Variants in LINGO2 observed in about 807,000 individuals in gnomAD.
The protein encoded by LINGO2 is leucine-rich repeat and immunoglobulin-like domain-containing nogo receptor-interacting protein 2.
In LINGO2, 14 loss-of-function variants were observed where a neutral mutation model predicts 30.6. The ratio of observed to expected loss-of-function variants is 0.46; its 90% CI spans 0.30 to 0.72. The LOEUF (loss-of-function observed/expected upper bound fraction) is 0.72, where lower values mean the gene tolerates loss of function less well. LINGO2 is among the 30% of genes least tolerant of loss of function. The pLI is 0.07. For missense variants in LINGO2, 729 were observed against 751.7 expected (o/e 0.97, Z 0.35); for synonymous variants, 317 against 288.5 (o/e 1.10, Z -1.00).
At chr9:28,264,491 A>G (rs1418447961) in intron 4 of LINGO2, among the ~76,000 whole-genome samples, 2 of 152,048 alleles carry the variant, frequency 1.3e-5, no homozygotes, top group Non-Finnish European at 2.9e-5. Context: ...ACAATATTTC[A>G]TTCAAGGCTT....
chr9:29,017,319 C>A, the LINGO2 span, among the ~76,000 whole-genome samples: 1 of 152,004 alleles, frequency 6.6e-6, no homozygotes, highest in African/African-American at 2.4e-5. Context: ...ATATGTAAGG[C>A]CTTCAAACCA....
intron 4 of LINGO2, among the ~76,000 whole-genome samples, chr9:28,172,030 A>ACAAAC (rs1398671851): frequency 1.3e-5 from 1 of 75,124 alleles, no homozygotes; most frequent in Non-Finnish European, 2.7e-5. Flanking sequence ...AAAAAAAAAA[A>ACAAAC]AAACAAAAAA....
the LINGO2 span, among the ~76,000 whole-genome samples, chr9:28,808,824 C>G: frequency 1.3e-5 from 2 of 152,144 alleles, no homozygotes; most frequent in Non-Finnish European, 2.9e-5. Context: ...GCTTAACACT[C>G]TATAAGTATT....
chr9:28,917,113 T>C, the LINGO2 span, among the ~76,000 whole-genome samples: 1 of 152,312 alleles, frequency 6.6e-6, no homozygotes, highest in South Asian at 2.1e-4. Flanking sequence ...CTGTGGAAAA[T>C]GTTGTCTAAA....
the LINGO2 span, among the ~76,000 whole-genome samples, chr9:29,139,308 T>C: frequency 2.0e-5 from 3 of 152,124 alleles, no homozygotes; most frequent in African/African-American, 4.8e-5. Context: ...GACCCAGATA[T>C]GGCATGCCCA....
At chr9:28,179,577 T>C (rs1828852954) in intron 4 of LINGO2, among the ~76,000 whole-genome samples, 1 of 140,986 alleles carries the variant, frequency 7.1e-6, no homozygotes. Flanking sequence ...GTATACGATA[T>C]GTAGTATTTT....
the LINGO2 span, among the ~76,000 whole-genome samples, chr9:28,834,232 A>C: frequency 6.6e-6 from 1 of 152,112 alleles, no homozygotes; most frequent in Admixed American, 6.5e-5. Flanking sequence ...TTTTGGAGCC[A>C]CTCTCAACAA....
At chr9:27,957,005 G>T (rs2150995) in intron 5 of LINGO2, among the ~76,000 whole-genome samples, 83,991 of 152,036 alleles carry the variant, frequency 0.55, 24,491 homozygotes, top group Non-Finnish European at 0.63. Flanking sequence ...TGAGGTGGGA[G>T]AATTGCTTGA....
At chr9:28,933,196 C>A in the LINGO2 span, among the ~76,000 whole-genome samples, 1 of 152,068 alleles carries the variant, frequency 6.6e-6, no homozygotes, top group Non-Finnish European at 1.5e-5. Context: ...CATGAGCCAC[C>A]GTGCCCAGCC....
chr9:29,043,248 A>G, the LINGO2 span, among the ~76,000 whole-genome samples: 2 of 151,910 alleles, frequency 1.3e-5, no homozygotes, highest in African/African-American at 4.8e-5. Context: ...ATTTAAGCAA[A>G]TGTTACAGAA....
chr9:28,614,335 CT>C (rs1826045463), intron 1 of LINGO2, among the ~76,000 whole-genome samples: 1 of 152,064 alleles, frequency 6.6e-6, no homozygotes, highest in Non-Finnish European at 1.5e-5. Context: ...AATCAATAGG[CT>C]TTTCATTAGT....
chr9:28,009,587 A>T (rs1467506086), intron 5 of LINGO2, among the ~76,000 whole-genome samples: 1 of 152,200 alleles, frequency 6.6e-6, no homozygotes, highest in Non-Finnish European at 1.5e-5. Context: ...AAGATTTTAA[A>T]ATGACCACTA....
chr9:28,991,905 A>C, the LINGO2 span, among the ~76,000 whole-genome samples: 1 of 152,090 alleles, frequency 6.6e-6, no homozygotes, highest in African/African-American at 2.4e-5. Flanking sequence ...CAGCCACTGC[A>C]AAAGCATGCC....
chr9:28,590,536 A>T (rs1161150017), intron 1 of LINGO2, among the ~76,000 whole-genome samples: 1 of 152,202 alleles, frequency 6.6e-6, no homozygotes, highest in African/African-American at 2.4e-5. Context: ...ACATTTATGC[A>T]GCCAAAAAAC....
chr9:29,130,122 G>C, the LINGO2 span, among the ~76,000 whole-genome samples: 1 of 152,122 alleles, frequency 6.6e-6, no homozygotes, highest in Admixed American at 6.6e-5. Flanking sequence ...AATTCTGTGT[G>C]TGAACATGTT....
chr9:28,848,091 A>ATAGTGTGTATATATACTATATATACAC, the LINGO2 span, among the ~76,000 whole-genome samples: 1 of 67,732 alleles, frequency 1.5e-5, no homozygotes, highest in Non-Finnish European at 2.7e-5. Flanking sequence ...CACACTATAT[A>ATAGTGTGTATATATACTATATATACAC]TACGCATAGT....
the LINGO2 span, among the ~76,000 whole-genome samples, chr9:29,064,899 G>T: frequency 6.6e-6 from 1 of 151,898 alleles, no homozygotes; most frequent in South Asian, 2.1e-4. Flanking sequence ...AATAAATGAA[G>T]TATGACAGGC....
At chr9:28,276,570 T>C (rs1348476225) in intron 4 of LINGO2, among the ~76,000 whole-genome samples, 1 of 152,190 alleles carries the variant, frequency 6.6e-6, no homozygotes, top group Non-Finnish European at 1.5e-5. Context: ...ACCATACTCT[T>C]CTGATCTCCC....
chr9:28,680,585 A>G, the LINGO2 span, among the ~76,000 whole-genome samples: 4 of 152,154 alleles, frequency 2.6e-5, no homozygotes, highest in Non-Finnish European at 5.9e-5. Flanking sequence ...ACAACAGTAT[A>G]CAGGGATTAC....
Sources: allele counts gnomAD v4.1 joint callset (sites outside exome capture counted in the v4.1 genomes callset), GRCh38; gene constraint gnomAD v4.1.1; transcripts MANE v1.5; gene names NCBI Gene and HGNC (gene_info 2026-07-23, HGNC 2026-07-21).